Variants in MGA observed in about 807,000 individuals in gnomAD.
The protein encoded by MGA is MAX dimerization protein MGA.
In MGA, 40 loss-of-function variants were observed where a neutral mutation model predicts 261.1. The observed-to-expected ratio is 0.15, with a 90% CI of 0.12 to 0.20. MGA has a LOEUF of 0.20. Among genes scored for constraint, MGA ranks in the 10% least tolerant of loss-of-function variants. The pLI is 1.00. For missense variants in MGA, 3,397 were observed against 3,630.5 expected (o/e 0.94, Z 1.65); for synonymous variants, 1,302 against 1,290.6 (o/e 1.01, Z -0.19).
At chr15:41,723,506 C>T (rs2061063912) in intron 9 of MGA, among the ~76,000 whole-genome samples, 1 of 152,118 alleles carries the variant, frequency 6.6e-6, no homozygotes, top group African/African-American at 2.4e-5. Flanking sequence ...TCCTTGATCT[C>T]CCTGGCTCAA....
At chr15:41,641,958 G>T (rs2056831183) in intron 1 of MGA, among the ~76,000 whole-genome samples, 1 of 152,076 alleles carries the variant, frequency 6.6e-6, no homozygotes, top group Admixed American at 6.5e-5. Flanking sequence ...ACCACACCTA[G>T]CTAATTTTTG....
At chr15:41,762,079 C>A in intron 21 of MGA, 50 bp from the exon 22 acceptor site, 1 of 1,415,652 alleles carries the variant, frequency 7.1e-7, no homozygotes, top group Non-Finnish European at 9.8e-7. Context: ...CTCTGTTTCT[C>A]ATTATGTGGC....
chr15:41,733,924 T>A (rs1009753674), intron 11 of MGA, among the ~76,000 whole-genome samples: 3 of 151,254 alleles, frequency 2.0e-5, no homozygotes, highest in Non-Finnish European at 4.4e-5. Context: ...GTTTCTTTCT[T>A]TTTTTTTTCG....
chr15:41,703,363 A>G lies in MGA; in HGVS notation c.2188+4204A>G. On this transcript the variant is annotated intron_variant, in intron 5 of 23. Coordinates refer to ENST00000219905, the MANE Select transcript of MGA (RefSeq NM_001164273.2). ...AGATATTGTCAGTTTATTCATTGTG[A>G]AGTTACCCCCCCCCCCACTCCCCAC... Among the ~76,000 whole-genome samples, 2 of 119,670 alleles carry G rather than the reference A, an allele frequency of 1.7e-5. 1 individual carries two copies. The highest frequency in any genetic ancestry group is 3.5e-5 in the Non-Finnish European group (2 of 57,514). 78.5% of individuals were successfully genotyped at this position (119,670 alleles called of 152,430 possible).
intron 2 of MGA, among the ~76,000 whole-genome samples, chr15:41,691,169 A>G (rs758491953): frequency 3.3e-5 from 5 of 151,872 alleles, no homozygotes; most frequent in Admixed American, 6.6e-5. Flanking sequence ...TTTTGTCCAT[A>G]AACGTGGGAT....
At chr15:41,656,467 G>A (rs888538689), upstream of MGA, among the ~76,000 whole-genome samples, 1 of 151,066 alleles carries the variant, frequency 6.6e-6, no homozygotes, top group Non-Finnish European at 1.5e-5. Flanking sequence ...TCACCCTCCT[G>A]AGTGGCTGGG....
At chr15:41,639,711 AT>A (rs920094416) in intron 1 of MGA, among the ~76,000 whole-genome samples, 15 of 148,568 alleles carry the variant, frequency 1.0e-4, no homozygotes, top group African/African-American at 2.2e-4. Flanking sequence ...CGCCCAGCTA[AT>A]TTTTTTTTTG....
rs369730847 is a variant in MGA at position 41,711,764 on chromosome 15, C to T, written c.3084+415C>T. On this transcript the variant is annotated intron_variant, in intron 8 of 23. Transcript: ENST00000219905. ...AGGCTGGAGTGCAGTGGCAGGATCT[C>T]AGCTCACTGCAACCTCCGCCTCCTG... is the stretch of plus-strand genomic sequence containing the variant. Among the ~76,000 whole-genome samples, 9 of 152,248 alleles carry T rather than the reference C, an allele frequency of 5.9e-5. No homozygotes were observed. In the East Asian group the frequency reaches 1.4e-3, roughly 23 times the overall value.
chr15:41,674,867 CTTCTT>C (rs2058292700), intron 2 of MGA, among the ~76,000 whole-genome samples: 1 of 152,184 alleles, frequency 6.6e-6, no homozygotes, highest in Admixed American at 6.5e-5. Context: ...ATTTGTCTCT[CTTCTT>C]AGTTCCAGAC....
At chr15:41,741,398 T>A (rs1595931447) in intron 14 of MGA, among the ~76,000 whole-genome samples, 2 of 150,100 alleles carry the variant, frequency 1.3e-5, no homozygotes, top group East Asian at 3.9e-4. Context: ...TTAAGGCAGC[T>A]TCAGTTGTGA....
At chr15:41,662,665 T>A (rs1284806535) in intron 1 of MGA, among the ~76,000 whole-genome samples, 1 of 152,232 alleles carries the variant, frequency 6.6e-6, no homozygotes, top group Non-Finnish European at 1.5e-5. Flanking sequence ...TTCATTTTAT[T>A]ATATTTATAT....
chr15:41,713,287 C>G lies in MGA; in HGVS notation c.3221C>G (p.Pro1074Arg). Residue 1074 changes from proline (P) to arginine (R), a missense_variant, in exon 9 of 24, where the codon CCA becomes CGA. By Grantham distance (103) the Pro-to-Arg change is moderately radical (BLOSUM62 -2). Around this residue, in one of 9 missense-constraint regions of MGA, gnomAD observed 519 missense variants for 554.1 expected, o/e 0.94. Transcript: ENST00000219905. ...CGCCAACCTGCTCACTGCCGCCGAC[C>G]AGACTGCATGTTTGGTTGTACTTGT... 6.2e-7 allele frequency: 1 copy of G among 1,613,950 alleles called. No individual in the cohort carries two copies. The highest frequency in any genetic ancestry group is 8.5e-7 in the Non-Finnish European group (1 of 1,179,892).
chr15:41,767,390 A>C lies in MGA; in HGVS notation c.*110A>C. ...CTTAGAACTTGGATCCTTGACTTCA[A>C]TGATGCAGTGGATAATGATGGGAGA... is the stretch of plus-strand genomic sequence containing the variant. On this transcript the variant is annotated 3_prime_UTR_variant, in exon 24 of 24. Coordinates refer to ENST00000219905, the MANE Select transcript of MGA (RefSeq NM_001164273.2). 1 of 1,136,924 alleles carries C rather than the reference A, an allele frequency of 8.8e-7. No individual in the cohort carries two copies. The highest frequency in any genetic ancestry group is 1.3e-6 in the Non-Finnish European group (1 of 799,164). The allele number at this position is 1,136,924 out of a possible 1,614,324, so 70.4% of individuals were successfully genotyped here. A position where few individuals can be genotyped will look rare whatever the true frequency, so the allele number is the denominator to read the frequency against.
At chr15:41,682,220 A>G (rs535612846) in intron 2 of MGA, among the ~76,000 whole-genome samples, 10 of 151,792 alleles carry the variant, frequency 6.6e-5, no homozygotes, top group African/African-American at 2.4e-4. Flanking sequence ...CCCCCCTTCT[A>G]CCTACATTAT....
intron 1 of MGA, among the ~76,000 whole-genome samples, chr15:41,624,552 C>G (rs1160953700): frequency 6.6e-6 from 1 of 152,274 alleles, no homozygotes; most frequent in Non-Finnish European, 1.5e-5. Context: ...CCAGGCTGGT[C>G]TCGAGCTGCT....
At chr15:41,755,295 C>T (rs1030991658) in intron 18 of MGA, among the ~76,000 whole-genome samples, 2 of 152,178 alleles carry the variant, frequency 1.3e-5, no homozygotes, top group Non-Finnish European at 2.9e-5. Context: ...AATAATTCTT[C>T]GTTCCTACTG....
intron 2 of MGA, among the ~76,000 whole-genome samples, chr15:41,689,468 A>G (rs949100155): frequency 6.6e-6 from 1 of 151,918 alleles, no homozygotes; most frequent in Non-Finnish European, 1.5e-5. Context: ...GTAGTCATTT[A>G]AATAATATAA....
intron 2 of MGA, among the ~76,000 whole-genome samples, chr15:41,689,271 C>A (rs2059133391): frequency 6.6e-6 from 1 of 151,012 alleles, no homozygotes; most frequent in South Asian, 2.1e-4. Context: ...CTGTGGCTCG[C>A]TCTCATCCTC....
intron 18 of MGA, among the ~76,000 whole-genome samples, chr15:41,756,168 C>CGTAT (rs1232324285): frequency 4.6e-5 from 7 of 151,958 alleles, no homozygotes; most frequent in Admixed American, 4.6e-4. Context: ...GTTTGCCATA[C>CGTAT]GTATTAACTA....
Sources: allele counts gnomAD v4.1 joint callset (sites outside exome capture counted in the v4.1 genomes callset), GRCh38; gene constraint gnomAD v4.1.1; regional missense constraint gnomAD v4.1.1; transcripts MANE v1.5; gene names NCBI Gene and HGNC (gene_info 2026-07-23, HGNC 2026-07-21).